Variants in RETN observed in about 807,000 individuals in gnomAD.
RETN encodes the protein C/EBP-epsilon regulated myeloid-specific secreted cysteine-rich protein precursor 1.
A neutral mutation model predicts 6.1 loss-of-function variants in RETN; 5 were observed. That is an observed-to-expected ratio of 0.82 (90% CI 0.43 to 1.73). The LOEUF (loss-of-function observed/expected upper bound fraction) is 1.73. RETN is among the 40% of genes most tolerant of loss of function. The pLI is 0.02. For synonymous variants in RETN, 62 were observed against 59.2 expected (o/e 1.05, Z -0.22); for missense variants, 168 against 142.5 (o/e 1.18, Z -0.91).
intron 2 of RETN, 78 bp downstream of exon 2, chr19:7,669,522 C>A: frequency 9.9e-7 from 1 of 1,014,074 alleles, no homozygotes; most frequent in Non-Finnish European, 1.6e-6. Flanking sequence ...CTGACTCCAA[C>A]CCAGCCCCAG....
intron 3 of RETN, 27 bp downstream of exon 3, chr19:7,669,925 C>A (rs374889489): frequency 1.9e-6 from 3 of 1,594,706 alleles, no homozygotes; most frequent in South Asian, 1.1e-5. Context: ...GTTGTCCAGG[C>A]GCCCATTTCT....
Position 7,670,237 on chromosome 19 carries a change from G to T in RETN, c.215G>T (p.Cys72Phe). Residue 72 changes from cysteine (C) to phenylalanine (F), a missense_variant, in exon 4 of 4, where the codon TGC becomes TTC. Physicochemically the swap from Cys to Phe is radical, Grantham distance 205. Coordinates refer to ENST00000221515, the MANE Select transcript of RETN (RefSeq NM_020415.4). Reference protein sequence around the residue: ...TCPRGFAVTGCTCGSACGSWD... With the variant: ...TCPRGFAVTGFTCGSACGSWD... ...GCTGCAGGCTTCGCCGTCACCGGCTGCACTTGTGGCTCCGCCTGTGGCTCG... is the reference window on the plus strand; with the variant it reads ...GCTGCAGGCTTCGCCGTCACCGGCTTCACTTGTGGCTCCGCCTGTGGCTCG... 1 of 1,604,658 alleles carries T rather than the reference G, an allele frequency of 6.2e-7. No individual in the cohort carries two copies. The highest frequency in any genetic ancestry group is 8.5e-7 in the Non-Finnish European group (1 of 1,179,070).
chr19:7,669,226 T>G, intron 1 of RETN, 91 bp from the exon 2 acceptor site: 1 of 898,514 alleles, frequency 1.1e-6, no homozygotes, highest in South Asian at 1.3e-5. Context: ...GGGGTCCAGG[T>G]CCAGGGGCAG....
At position 7,669,377 on chromosome 19, in the gene RETN, T is replaced by A. The variant is rs17847440; in HGVS notation, c.51T>A (p.Ser17=). The A allele has an allele frequency of 2.3e-5, 37 of 1,613,946 alleles. No homozygotes were observed. The East Asian group carries it at 8.2e-4, about 36-fold the overall frequency. Residue 17 remains serine, a synonymous_variant, in exon 2 of 4, where the codon TCT becomes TCA. Transcript: ENST00000221515. ...TCCCTGTCCTGGGGCTGTTGGTGTCTAGCAAGACCCTGTGCTCCATGGAAG... is the reference window on the plus strand; with the variant it reads ...TCCCTGTCCTGGGGCTGTTGGTGTCAAGCAAGACCCTGTGCTCCATGGAAG... ...LLLPVLGLLV[S]SKTLCSMEEA...
chr19:7,670,016 C>A, intron 3 of RETN, 118 bp downstream of exon 3: 1 of 971,492 alleles, frequency 1.0e-6, no homozygotes. Context: ...TTGGTCCTGA[C>A]TCCCAGCCTT....
At position 7,669,912 on chromosome 19, in the gene RETN, A is replaced by G. The variant is rs760401415; in HGVS notation, c.196+14A>G. 1.2e-6 allele frequency: 2 copies of G among 1,610,742 alleles called. No individual in the cohort carries two copies. The highest frequency in any genetic ancestry group is 2.7e-5 in the African/African-American group (2 of 74,654). On this transcript the variant is annotated intron_variant, in intron 3 of 3. Coordinates refer to ENST00000221515, the MANE Select transcript of RETN (RefSeq NM_020415.4). ...CTTGCCCCCGAGGTGAGTGCAGGAGACTGTTGTCCAGGCGCCCATTTCTGT... is the reference window on the plus strand; with the variant it reads ...CTTGCCCCCGAGGTGAGTGCAGGAGGCTGTTGTCCAGGCGCCCATTTCTGT...
At position 7,669,080 on chromosome 19, in the gene RETN, G is replaced by T; in HGVS notation, c.-52G>T. 2.0e-6 allele frequency: 1 copy of T among 503,012 alleles called. No individual in the cohort carries two copies. The highest frequency in any genetic ancestry group is 2.3e-5 in the South Asian group (1 of 44,082). 31.2% of individuals were successfully genotyped at this position (503,012 alleles called of 1,614,324 possible). On this transcript the variant is annotated 5_prime_UTR_variant, in exon 1 of 4. Transcript: ENST00000221515. ...CCTCAAAGAAAGAGCTGCGGTGCAG[G>T]AATTCGTGTGCCGGATTTGGTTAGC...
chr19:7,670,434 ATGATGATGAT>A lies in RETN; in HGVS notation c.*86_*95del. On this transcript the variant is annotated 3_prime_UTR_variant, in exon 4 of 4. Transcript: ENST00000221515. Reference sequence around the variant, plus strand: ...GGGGGAGCTGGAAATAAACCTGGAGATGATGATGATGATGATGATGATGATGATGGAGCGG... The same window carrying A: ...GGGGGAGCTGGAAATAAACCTGGAGAGATGATGATGATGATGATGGAGCGG... 4 of 214 alleles carry A rather than the reference ATGATGATGAT, an allele frequency of 0.019. No individual in the cohort carries two copies. The highest frequency in any genetic ancestry group is 0.12 in the African/African-American group (1 of 8). 0.0% of individuals were successfully genotyped at this position (214 alleles called of 1,614,324 possible).
chr19:7,670,272 C>T lies in RETN; in HGVS notation c.250C>T (p.Arg84Cys), dbSNP rs779335092. ...CTCCGCCTGTGGCTCGTGGGATGTGCGCGCCGAGACCACATGTCACTGCCA... is the reference window on the plus strand; with the variant it reads ...CTCCGCCTGTGGCTCGTGGGATGTGTGCGCCGAGACCACATGTCACTGCCA... ...CGSACGSWDV[R>C]AETTCHCQCA... Residue 84 changes from arginine to cysteine, a missense_variant, in exon 4 of 4, where the codon CGC becomes TGC. Coordinates refer to ENST00000221515, the MANE Select transcript of RETN (RefSeq NM_020415.4). 6 of 1,594,922 alleles carry T rather than the reference C, an allele frequency of 3.8e-6. No individual in the cohort carries two copies. The highest frequency in any genetic ancestry group is 1.1e-5 in the South Asian group (1 of 89,336).
chr19:7,670,455 ATGATGAT>A, downstream of RETN: 4 of 295,676 alleles, frequency 1.4e-5, no homozygotes, highest in Non-Finnish European at 2.1e-5. Context: ...GATGATGATG[ATGATGAT>A]GGAGCGGATC....
intron 3 of RETN, 106 bp downstream of exon 3, chr19:7,670,004 T>C: frequency 9.9e-7 from 1 of 1,006,748 alleles, no homozygotes; most frequent in Non-Finnish European, 1.5e-6. Flanking sequence ...TCCCCTAGGA[T>C]CTTGGTCCTG....
chr19:7,669,300 T>C lies in RETN; in HGVS notation c.-10-17T>C, dbSNP rs1307772409. 6.4e-7 allele frequency: 1 copy of C among 1,572,368 alleles called. No homozygotes were observed. Among genetic ancestry groups the C allele is most frequent in the South Asian group, 1.1e-5 (1 of 90,194 alleles). On this transcript the variant is annotated splice_polypyrimidine_tract_variant and intron_variant, in intron 1 of 3. Coordinates refer to ENST00000221515, the MANE Select transcript of RETN (RefSeq NM_020415.4). ...CAGGGCTGATCCAGCTGTGGGTCTC[T>C]TGGTTCCCTCTTTCAGCGCCTGCAG... is the stretch of plus-strand genomic sequence containing the variant.
In RETN at chr19:7,670,321, G is replaced by C. The variant is rs769389061; in HGVS notation, c.299G>C (p.Gly100Ala). The C allele has an allele frequency of 6.4e-7, 1 of 1,569,124 alleles. No individual in the cohort carries two copies. The highest frequency in any genetic ancestry group is 1.3e-5 in the African/African-American group (1 of 74,168). Residue 100 changes from glycine to alanine, a missense_variant, in exon 4 of 4, where the codon GGA becomes GCA. By Grantham distance (60) the Gly-to-Ala change is moderately conservative. Transcript: ENST00000221515. Reference protein sequence around the residue: ...HCQCAGMDWTGARCCRVQP With the variant: ...HCQCAGMDWTAARCCRVQP The stretch of plus-strand genomic sequence containing the variant: ...CAGTGCGCGGGCATGGACTGGACCG[G>C]AGCGCGCTGCTGTCGTGTGCAGCCC...
intron 3 of RETN, 26 bp from the exon 4 acceptor site, chr19:7,670,193 C>G: frequency 6.3e-7 from 1 of 1,576,290 alleles, no homozygotes; most frequent in Non-Finnish European, 8.6e-7. Context: ...AGCTCAGAGT[C>G]CACGCTCCTG....
Position 7,670,319 on chromosome 19 carries a change from C to A in RETN, c.297C>A (p.Thr99=). The A allele has an allele frequency of 6.4e-7, 1 of 1,571,302 alleles. No individual in the cohort carries two copies. The highest frequency in any genetic ancestry group is 2.3e-5 in the East Asian group (1 of 43,200). Residue 99 remains threonine (T), a synonymous_variant, in exon 4 of 4, where the codon ACC becomes ACA. Coordinates refer to ENST00000221515, the MANE Select transcript of RETN (RefSeq NM_020415.4). ...CHCQCAGMDW[T]GARCCRVQP Reference sequence around the variant, plus strand: ...GCCAGTGCGCGGGCATGGACTGGACCGGAGCGCGCTGCTGTCGTGTGCAGC... The same window carrying A: ...GCCAGTGCGCGGGCATGGACTGGACAGGAGCGCGCTGCTGTCGTGTGCAGC...
At chr19:7,669,206 T>G (rs542743549) in intron 1 of RETN, 85 bp downstream of exon 1, 3 of 760,042 alleles carry the variant, frequency 3.9e-6, no homozygotes, top group Admixed American at 2.1e-5. Flanking sequence ...GTCCCCCACA[T>G]GGGGGGACAG....
intron 3 of RETN, 47 bp from the exon 4 acceptor site, chr19:7,670,172 C>T: frequency 2.0e-6 from 3 of 1,518,192 alleles, no homozygotes; most frequent in African/African-American, 2.7e-5. Context: ...CGCTCCCACC[C>T]TCAGCCTCCC....
Position 7,669,078 on chromosome 19 carries a change from AG to A in RETN, c.-52del, listed in dbSNP as rs1413372565. 2 of 497,098 alleles carry A rather than the reference AG, an allele frequency of 4.0e-6. No individual in the cohort carries two copies. Among genetic ancestry groups the A allele is most frequent in the African/African-American group, 3.9e-5 (2 of 51,450 alleles). The allele number at this position is 497,098 out of a possible 1,614,324, so 30.8% of individuals were successfully genotyped here. A position where few individuals can be genotyped will look rare whatever the true frequency, so the allele number is the denominator to read the frequency against. ...GGCCTCAAAGAAAGAGCTGCGGTGCAGGAATTCGTGTGCCGGATTTGGTTAG... is the reference window on the plus strand; with the variant it reads ...GGCCTCAAAGAAAGAGCTGCGGTGCAGAATTCGTGTGCCGGATTTGGTTAG... On this transcript the variant is annotated 5_prime_UTR_variant, in exon 1 of 4. Coordinates refer to ENST00000221515, the MANE Select transcript of RETN (RefSeq NM_020415.4).
In RETN at chr19:7,669,903, G is replaced by A. The variant is rs771400175; in HGVS notation, c.196+5G>A. On this transcript the variant is annotated splice_donor_5th_base_variant and intron_variant, in intron 3 of 3. Coordinates refer to ENST00000221515, the MANE Select transcript of RETN (RefSeq NM_020415.4). ...ACCTGGCTACTTGCCCCCGAGGTGA[G>A]TGCAGGAGACTGTTGTCCAGGCGCC... is the stretch of plus-strand genomic sequence containing the variant. 5.0e-6 allele frequency: 8 copies of A among 1,613,288 alleles called. No individual in the cohort carries two copies. In the African/African-American group the frequency reaches 6.7e-5, roughly 13 times the overall value.
Sources: allele counts gnomAD v4.1 joint callset, GRCh38; gene constraint gnomAD v4.1.1; transcripts MANE v1.5; gene names NCBI Gene and HGNC (gene_info 2026-07-23, HGNC 2026-07-21).